RPS6KC1: variants seen among roughly 807,000 people sequenced by gnomAD.
The protein encoded by RPS6KC1 is ribosomal protein S6 kinase C1.
A neutral mutation model predicts 103.8 loss-of-function variants in RPS6KC1; 54 were observed. The ratio of observed to expected loss-of-function variants is 0.52; its 90% CI spans 0.42 to 0.65. The LOEUF is 0.65. Among genes scored for constraint, RPS6KC1 ranks in the 30% least tolerant of loss-of-function variants. The probability of loss-of-function intolerance (pLI) is 0.00; values close to 1 mark genes in which losing one functional copy is unlikely to be tolerated. For synonymous variants in RPS6KC1, 439 were observed against 438.7 expected (o/e 1.00, Z -0.01); for missense variants, 1,151 against 1,253.8 (o/e 0.92, Z 1.24).
the RPS6KC1 span, among the ~76,000 whole-genome samples, chr1:213,724,081 T>A: frequency 1.3e-5 from 2 of 152,116 alleles, no homozygotes; most frequent in Admixed American, 6.5e-5. Context: ...TCTGTGGATT[T>A]CTTTTTCATT....
At chr1:213,548,045 C>T in the RPS6KC1 span, among the ~76,000 whole-genome samples, 1 of 152,160 alleles carries the variant, frequency 6.6e-6, no homozygotes, top group African/African-American at 2.4e-5. Context: ...CTCATATCCA[C>T]CAGAAGTGTT....
the RPS6KC1 span, among the ~76,000 whole-genome samples, chr1:213,853,681 T>C: frequency 2.0e-5 from 3 of 152,342 alleles, no homozygotes; most frequent in South Asian, 6.2e-4. Context: ...GATATTGAAT[T>C]CAAGGGAACC....
the RPS6KC1 span, among the ~76,000 whole-genome samples, chr1:213,647,557 T>C: frequency 3.2e-4 from 48 of 152,194 alleles, no homozygotes; most frequent in Admixed American, 1.5e-3. Flanking sequence ...ATAACCTGGC[T>C]TAGCTGTGTC....
At chr1:213,506,535 C>G in the RPS6KC1 span, among the ~76,000 whole-genome samples, 2 of 152,148 alleles carry the variant, frequency 1.3e-5, no homozygotes, top group Non-Finnish European at 2.9e-5. Flanking sequence ...TATGGGTCAC[C>G]CACCAGGTCT....
chr1:213,805,697 T>C, the RPS6KC1 span, among the ~76,000 whole-genome samples: 2 of 152,236 alleles, frequency 1.3e-5, no homozygotes, highest in Non-Finnish European at 2.9e-5. Context: ...AGGTGGATAT[T>C]TTGACCTCAT....
At chr1:213,491,544 CCAAACAAACAAA>C in the RPS6KC1 span, among the ~76,000 whole-genome samples, 6 of 151,738 alleles carry the variant, frequency 4.0e-5, no homozygotes, top group African/African-American at 9.7e-5. Flanking sequence ...CAAGACTGTG[CCAAACAAACAAA>C]CAAACAAACA....
chr1:213,731,952 G>A, the RPS6KC1 span, among the ~76,000 whole-genome samples: 2 of 152,060 alleles, frequency 1.3e-5, no homozygotes, highest in African/African-American at 4.8e-5. Flanking sequence ...TTACAAAATA[G>A]TATCTAGAAT....
chr1:213,277,084 C>T (rs1395355813), downstream of RPS6KC1, among the ~76,000 whole-genome samples: 2 of 152,160 alleles, frequency 1.3e-5, no homozygotes, highest in Non-Finnish European at 2.9e-5. Context: ...CTACTAGGCT[C>T]ATTTTAAGGA....
chr1:213,262,650 C>T (rs1288959781), intron 13 of RPS6KC1, 71 bp from the exon 14 acceptor site: 4 of 985,128 alleles, frequency 4.1e-6, no homozygotes, highest in Non-Finnish European at 4.9e-6. Context: ...TACTTGCTGT[C>T]CATAAATCCT....
At chr1:213,313,132 C>A in the RPS6KC1 span, among the ~76,000 whole-genome samples, 2 of 152,086 alleles carry the variant, frequency 1.3e-5, no homozygotes, top group Admixed American at 1.3e-4. Context: ...CTTTTCATGA[C>A]CTGCAAAGTG....
the RPS6KC1 span, among the ~76,000 whole-genome samples, chr1:213,765,522 C>T: frequency 6.6e-6 from 1 of 152,194 alleles, no homozygotes; most frequent in Non-Finnish European, 1.5e-5. Context: ...GAATTAGATC[C>T]TCTTGAAGGC....
the RPS6KC1 span, among the ~76,000 whole-genome samples, chr1:213,507,783 A>G: frequency 6.6e-6 from 1 of 152,224 alleles, no homozygotes; most frequent in Admixed American, 6.5e-5. Flanking sequence ...AATAGACCCC[A>G]GTGTCTGAAA....
the RPS6KC1 span, among the ~76,000 whole-genome samples, chr1:213,304,539 C>CTT: frequency 7.0e-6 from 1 of 143,352 alleles, no homozygotes; most frequent in Non-Finnish European, 1.5e-5. Context: ...AATTTTGCAT[C>CTT]TTTTTTTTTT....
chr1:213,695,717 T>C, the RPS6KC1 span, among the ~76,000 whole-genome samples: 2 of 152,220 alleles, frequency 1.3e-5, no homozygotes, highest in South Asian at 4.1e-4. Context: ...TCAGGATAGG[T>C]TGTTGCTGTC....
chr1:213,243,285 A>T (rs964302930), intron 12 of RPS6KC1, among the ~76,000 whole-genome samples: 96 of 150,212 alleles, frequency 6.4e-4, no homozygotes, highest in Admixed American at 1.1e-3. Flanking sequence ...AATTAAAAAA[A>T]TTTTTTTTTT....
intron 14 of RPS6KC1, among the ~76,000 whole-genome samples, chr1:213,269,210 A>G (rs775971663): frequency 2.0e-5 from 3 of 152,230 alleles, no homozygotes; most frequent in Admixed American, 6.5e-5. Context: ...AGATAGATTT[A>G]CTAGGATCTG....
the RPS6KC1 span, among the ~76,000 whole-genome samples, chr1:213,515,710 C>T: frequency 2.0e-5 from 3 of 152,104 alleles, no homozygotes; most frequent in East Asian, 1.9e-4. Context: ...CTTGGCAATG[C>T]GGGCTCTTTT....
chr1:213,602,102 T>TTC, the RPS6KC1 span, among the ~76,000 whole-genome samples: 132 of 22,944 alleles, frequency 5.8e-3, 5 homozygotes, highest in African/African-American at 0.015. Flanking sequence ...CTTTCTTTCT[T>TTC]TCTTTCTTTC....
intron 12 of RPS6KC1, among the ~76,000 whole-genome samples, chr1:213,255,862 A>G (rs2094630266): frequency 6.6e-6 from 1 of 152,212 alleles, no homozygotes; most frequent in Non-Finnish European, 1.5e-5. Flanking sequence ...AATACAGCCT[A>G]AATGCAGAAC....
Sources: allele counts gnomAD v4.1 joint callset (sites outside exome capture counted in the v4.1 genomes callset), GRCh38; gene constraint gnomAD v4.1.1; transcripts MANE v1.5; gene names NCBI Gene and HGNC (gene_info 2026-07-23, HGNC 2026-07-21).